MTHFD2: variants seen among roughly 807,000 people sequenced by gnomAD.
The protein encoded by MTHFD2 is methylenetetrahydrofolate dehydrogenase (NADP+ dependent) 2, methenyltetrahydrofolate cyclohydrolase, also known as bifunctional methylenetetrahydrofolate dehydrogenase/cyclohydrolase, mitochondrial.
Under a neutral mutation model 36.8 loss-of-function variants are expected in MTHFD2, and 26 were observed. The ratio of observed to expected loss-of-function variants is 0.71; its 90% CI spans 0.52 to 0.98. MTHFD2 has a LOEUF of 0.98. Among genes scored for constraint, MTHFD2 ranks in the 50% least tolerant of loss-of-function variants. The pLI is 0.00. For missense variants in MTHFD2, 373 were observed against 434.0 expected (o/e 0.86, Z 1.25); for synonymous variants, 164 against 155.2 (o/e 1.06, Z -0.42).
intron 5 of MTHFD2, among the ~76,000 whole-genome samples, chr2:74,210,452 A>T (rs115707613): frequency 6.6e-6 from 1 of 152,200 alleles, no homozygotes; most frequent in Admixed American, 6.5e-5. Flanking sequence ...AGGTTCTGTT[A>T]ATTGGTTCTA....
At chr2:74,200,727 A>C (rs1694023403) in intron 1 of MTHFD2, among the ~76,000 whole-genome samples, 1 of 152,188 alleles carries the variant, frequency 6.6e-6, no homozygotes, top group Non-Finnish European at 1.5e-5. Context: ...GTGTTATTAT[A>C]ATAGTCCCAA....
At chr2:74,202,296 T>C (rs2103806421) in intron 1 of MTHFD2, among the ~76,000 whole-genome samples, 1 of 152,264 alleles carries the variant, frequency 6.6e-6, no homozygotes, top group East Asian at 1.9e-4. Flanking sequence ...AGTAAGAAAT[T>C]AGTTTTATTG....
chr2:74,198,667 C>G lies in MTHFD2; in HGVS notation c.26C>G (p.Ala9Gly), dbSNP rs371131615. ...ATGGCTGCGACTTCTCTAATGTCTG[C>G]TTTGGCTGCCCGGCTGCTGCAGCCC... MAATSLMS[A>G]LAARLLQPAH... Residue 9 changes from alanine to glycine, a missense_variant, in exon 1 of 8, where the codon GCT (alanine) becomes GGT (glycine). Ala to Gly is a moderately conservative substitution (Grantham distance 60). Transcript: ENST00000394053. The G allele has an allele frequency of 1.2e-6, 2 of 1,611,260 alleles. No homozygotes were observed. Among genetic ancestry groups the G allele is most frequent in the South Asian group, 1.1e-5 (1 of 90,770 alleles).
intron 1 of MTHFD2, among the ~76,000 whole-genome samples, chr2:74,198,946 G>A (rs1163566450): frequency 2.0e-5 from 3 of 152,316 alleles, no homozygotes; most frequent in South Asian, 4.1e-4. Context: ...CGGCGCGGAG[G>A]GCTGGTACCC....
rs879462682 is a variant in MTHFD2 at position 74,203,911 on chromosome 2, T to TTTAG, written c.102-1791_102-1788dup. Among the ~76,000 whole-genome samples, 191 of 84,444 alleles carry TTTAG rather than the reference T, an allele frequency of 2.3e-3. 1 individual carries two copies. The highest frequency in any genetic ancestry group is 4.7e-3 in the East Asian group (19 of 4,046). The allele number at this position is 84,444 out of a possible 152,430, so 55.4% of individuals were successfully genotyped here. Reference sequence around the variant, plus strand: ...GTTTAGTTTAGTTTAGTTTAGTTAGTTTAGTTTAGTTTAGTTTTTTGAGAT... The same window carrying TTTAG: ...GTTTAGTTTAGTTTAGTTTAGTTAGTTTAGTTAGTTTAGTTTAGTTTTTTGAGAT... On this transcript the variant is annotated intron_variant, in intron 1 of 7. Transcript: ENST00000394053.
chr2:74,210,987 A>G (rs1694292431), intron 5 of MTHFD2, among the ~76,000 whole-genome samples: 1 of 152,156 alleles, frequency 6.6e-6, no homozygotes, highest in Admixed American at 6.6e-5. Flanking sequence ...GGGTTTCACC[A>G]TGTTGGCCAG....
At chr2:74,206,802 G>A (rs1027878622) in intron 2 of MTHFD2, among the ~76,000 whole-genome samples, 15 of 151,972 alleles carry the variant, frequency 9.9e-5, no homozygotes, top group African/African-American at 3.1e-4. Flanking sequence ...TCCGCCTCCC[G>A]GGTTCAAGTA....
Position 74,211,257 on chromosome 2 carries a change from T to A in MTHFD2, c.729T>A (p.His243Gln). 1 of 1,609,134 alleles carries A rather than the reference T, an allele frequency of 6.2e-7. No individual in the cohort carries two copies. Among genetic ancestry groups the A allele is most frequent in the Non-Finnish European group, 8.5e-7 (1 of 1,176,718 alleles). ...RYTPKEQLKK[H>Q]TILADIVISA... ...CTCCCAAAGAGCAGTTGAAGAAACA[T>A]ACAATTCTTGCAGATATTGTAATAT... is the stretch of plus-strand genomic sequence containing the variant. Residue 243 changes from histidine (H) to glutamine (Q), a missense_variant, in exon 6 of 8, where the codon CAT becomes CAA. His to Gln is a conservative substitution (Grantham distance 24, BLOSUM62 0). Coordinates refer to ENST00000394053, the MANE Select transcript of MTHFD2 (RefSeq NM_006636.4).
At position 74,216,716 on chromosome 2, in the gene MTHFD2, C is replaced by G. The variant is rs1184330546; in HGVS notation, c.*2474C>G. ...CTTGAACTCCTGGACTTAAACGATC[C>G]TCCTGCATCAGCCTCTGAAATGGCT... On this transcript the variant is annotated 3_prime_UTR_variant, in exon 8 of 8. Coordinates refer to ENST00000394053, the MANE Select transcript of MTHFD2 (RefSeq NM_006636.4). The G allele has an allele frequency of 6.6e-6, 1 of 152,126 alleles. No individual in the cohort carries two copies. The highest frequency in any genetic ancestry group is 1.5e-5 in the Non-Finnish European group (1 of 68,060). 9.4% of individuals were successfully genotyped at this position (152,126 alleles called of 1,614,324 possible).
intron 7 of MTHFD2, among the ~76,000 whole-genome samples, chr2:74,212,529 A>G (rs1694332568): frequency 6.6e-6 from 1 of 151,806 alleles, no homozygotes; most frequent in Non-Finnish European, 1.5e-5. Context: ...TGGCCTCCCA[A>G]AGTGCCGGGA....
At chr2:74,199,993 C>T (rs1558851025) in intron 1 of MTHFD2, among the ~76,000 whole-genome samples, 2 of 152,160 alleles carry the variant, frequency 1.3e-5, no homozygotes, top group Non-Finnish European at 2.9e-5. Context: ...AAAAACTGTT[C>T]TTAATGGAGC....
chr2:74,198,850 C>T, intron 1 of MTHFD2, 108 bp downstream of exon 1: 8 of 1,077,348 alleles, frequency 7.4e-6, no homozygotes, highest in South Asian at 6.7e-5. Context: ...CCGAACATCT[C>T]CGCCCCGGCG....
At chr2:74,199,492 A>C (rs561371114) in intron 1 of MTHFD2, among the ~76,000 whole-genome samples, 16 of 152,348 alleles carry the variant, frequency 1.1e-4, no homozygotes, top group African/African-American at 3.1e-4. Context: ...TACAAGATGA[A>C]GAGTTCTGAA....
At chr2:74,204,018 A>C (rs918596138) in intron 1 of MTHFD2, among the ~76,000 whole-genome samples, 1 of 151,936 alleles carries the variant, frequency 6.6e-6, no homozygotes, top group African/African-American at 2.4e-5. Flanking sequence ...GGTTCAAGCA[A>C]TTCTCCTGCC....
At position 74,207,668 on chromosome 2, in the gene MTHFD2, C is replaced by G. The variant is rs968155800; in HGVS notation, c.287-36C>G. On this transcript the variant is annotated intron_variant, in intron 2 of 7. Coordinates refer to ENST00000394053, the MANE Select transcript of MTHFD2 (RefSeq NM_006636.4). ...ACATAGCAGTGCTCATTAAATGCCT[C>G]AAAAATTTTTTTAACCTCAAAATTT... 6 of 1,577,438 alleles carry G rather than the reference C, an allele frequency of 3.8e-6. No homozygotes were observed. The East Asian group carries it at 1.4e-4, about 36-fold the overall frequency.
At chr2:74,205,577 C>T (rs571001328) in intron 1 of MTHFD2, 128 bp from the exon 2 acceptor site, 77 of 991,112 alleles carry the variant, frequency 7.8e-5, no homozygotes, top group Non-Finnish European at 1.1e-4. Flanking sequence ...CTCCTGGGCT[C>T]AAGCCATCCT....
chr2:74,204,294 G>A (rs1694128428), intron 1 of MTHFD2, among the ~76,000 whole-genome samples: 1 of 152,098 alleles, frequency 6.6e-6, no homozygotes, highest in Admixed American at 6.6e-5. Flanking sequence ...TCCACATTTG[G>A]GTTTCATGGA....
chr2:74,202,936 A>G (rs1311546332), intron 1 of MTHFD2, among the ~76,000 whole-genome samples: 1 of 152,200 alleles, frequency 6.6e-6, no homozygotes, highest in Non-Finnish European at 1.5e-5. Flanking sequence ...AAATGCTATT[A>G]TATGTTGTGC....
intron 1 of MTHFD2, among the ~76,000 whole-genome samples, chr2:74,201,567 G>C (rs531453554): frequency 6.6e-6 from 1 of 151,534 alleles, no homozygotes; most frequent in East Asian, 1.9e-4. Flanking sequence ...GTCTCACCAT[G>C]TTGCCCACGC....
Sources: allele counts gnomAD v4.1 joint callset (sites outside exome capture counted in the v4.1 genomes callset), GRCh38; gene constraint gnomAD v4.1.1; transcripts MANE v1.5; gene names NCBI Gene and HGNC (gene_info 2026-07-23, HGNC 2026-07-21).